WIPF2: variants seen among roughly 807,000 people sequenced by gnomAD.
WIPF2 encodes the protein WAS/WASL-interacting protein family member 2.
WIPF2 carries 23 observed loss-of-function variants against 38.8 expected under a neutral mutation model. That is an observed-to-expected ratio of 0.59 (90% CI 0.43 to 0.84). The LOEUF is 0.84. Ranked by LOEUF, WIPF2 falls within the 40% of genes least tolerant of loss-of-function variation. WIPF2 has a pLI of 0.00. For synonymous variants in WIPF2, 210 were observed against 223.2 expected, an observed-to-expected ratio of 0.94 and a Z score of 0.53; for missense variants, 574 against 580.5, an observed-to-expected ratio of 0.99 and a Z score of 0.11.
intron 1 of WIPF2, among the ~76,000 whole-genome samples, chr17:40,238,677 A>G (rs2145312406): frequency 6.6e-6 from 1 of 151,792 alleles, no homozygotes; most frequent in East Asian, 1.9e-4. Flanking sequence ...CAGTGGCACA[A>G]TCTCGGCTCA....
intron 1 of WIPF2, among the ~76,000 whole-genome samples, chr17:40,232,179 A>ATTTTTT (rs752876006): frequency 1.1e-3 from 84 of 76,056 alleles, no homozygotes; most frequent in Middle Eastern, 9.1e-3. Flanking sequence ...TGCCTGGCTA[A>ATTTTTT]TTTTTTTTTT....
chr17:40,255,887 A>G (rs1168417601), intron 1 of WIPF2, among the ~76,000 whole-genome samples: 1 of 151,830 alleles, frequency 6.6e-6, no homozygotes. Flanking sequence ...CGGCCTCCCA[A>G]AGTGCTGGGA....
intron 5 of WIPF2, among the ~76,000 whole-genome samples, chr17:40,269,600 C>CTTTTTTTTTT: frequency 9.1e-6 from 1 of 109,806 alleles, no homozygotes; most frequent in Non-Finnish European, 1.9e-5. Context: ...AAAACACTGT[C>CTTTTTTTTTT]TTTTTTTTTT....
chr17:40,259,502 G>T (rs2031834071), intron 2 of WIPF2, among the ~76,000 whole-genome samples: 1 of 151,588 alleles, frequency 6.6e-6, no homozygotes, highest in Non-Finnish European at 1.5e-5. Context: ...GGGCTTTGAG[G>T]CAATCAGAGC....
At position 40,264,779 on chromosome 17, in the gene WIPF2, C is replaced by T. The variant is rs765033712; in HGVS notation, c.603C>T (p.Pro201=). 27 of 1,608,088 alleles carry T rather than the reference C, an allele frequency of 1.7e-5. No individual in the cohort carries two copies. The highest frequency in any genetic ancestry group is 4.5e-5 in the East Asian group (2 of 44,828). ...TGCCTATGCACAGCAGCAAAGCCCC[C>T]GCCTACAACAGAGAGAAACCCTTGC... ...TPLPMHSSKA[P]AYNREKPLPP... is the part of the protein sequence containing the mutation. Residue 201 remains proline, a synonymous_variant, in exon 5 of 8, where the codon CCC becomes CCT. Coordinates refer to ENST00000323571, the MANE Select transcript of WIPF2 (RefSeq NM_133264.5).
intron 5 of WIPF2, among the ~76,000 whole-genome samples, chr17:40,272,818 T>C (rs529142554): frequency 6.6e-6 from 1 of 152,324 alleles, no homozygotes; most frequent in East Asian, 1.9e-4. Context: ...GGAACTGCTC[T>C]GACATCAAGG....
At position 40,282,359 on chromosome 17, in the gene WIPF2, T is replaced by C. The variant is rs1247059604; in HGVS notation, c.*4134T>C. On this transcript the variant is annotated 3_prime_UTR_variant, in exon 8 of 8. Coordinates refer to ENST00000323571, the MANE Select transcript of WIPF2 (RefSeq NM_133264.5). ...CTGGTGGCAAGATGGGGCCTAGCCT[T>C]CTTTTCACATGTCTAATCTTTTCCT... 1 of 152,218 alleles carries C rather than the reference T, an allele frequency of 6.6e-6. No homozygotes were observed. The highest frequency in any genetic ancestry group is 1.5e-5 in the Non-Finnish European group (1 of 68,042). The allele number at this position is 152,218 out of a possible 1,614,324, so 9.4% of individuals were successfully genotyped here.
At chr17:40,264,343 A>AG in intron 4 of WIPF2, 147 bp from the exon 5 acceptor site, 3 of 669,194 alleles carry the variant, frequency 4.5e-6, no homozygotes, top group Non-Finnish European at 4.9e-6. Context: ...AAAAAAAAAA[A>AG]AAAAAAAAAA....
intron 5 of WIPF2, among the ~76,000 whole-genome samples, chr17:40,271,142 T>G (rs1259430679): frequency 6.6e-6 from 1 of 152,152 alleles, no homozygotes; most frequent in Non-Finnish European, 1.5e-5. Context: ...GGCTAATTTT[T>G]GTACTTTTTT....
chr17:40,282,248 T>G lies in WIPF2; in HGVS notation c.*4023T>G, dbSNP rs2032565515. The G allele has an allele frequency of 6.6e-6, 1 of 152,118 alleles. No individual in the cohort carries two copies. Among genetic ancestry groups the G allele is most frequent in the South Asian group, 2.1e-4 (1 of 4,834 alleles). The allele number at this position is 152,118 out of a possible 1,614,324, so 9.4% of individuals were successfully genotyped here. On this transcript the variant is annotated 3_prime_UTR_variant, in exon 8 of 8. Transcript: ENST00000323571. ...CTTTCCCTCTTTGAAGCAATTAAAA[T>G]CTTCCTTGATAACTGCTGTTTCTTT...
intron 1 of WIPF2, among the ~76,000 whole-genome samples, chr17:40,242,868 G>A (rs1444084008): frequency 1.3e-5 from 2 of 152,188 alleles, no homozygotes; most frequent in Non-Finnish European, 2.9e-5. Context: ...TCCCAGTGCT[G>A]TACTTCAGTG....
intron 2 of WIPF2, among the ~76,000 whole-genome samples, chr17:40,258,373 C>T (rs2145367874): frequency 6.6e-6 from 1 of 152,198 alleles, no homozygotes; most frequent in East Asian, 1.9e-4. Context: ...GCGGGCAGAT[C>T]ACGAGGTCAG....
At chr17:40,270,308 G>A (rs758070568) in intron 5 of WIPF2, among the ~76,000 whole-genome samples, 73 of 149,976 alleles carry the variant, frequency 4.9e-4, no homozygotes, top group Non-Finnish European at 8.9e-4. Context: ...GGAGCTTGCA[G>A]TAAGCCGAGA....
rs1452574681 is a variant in WIPF2, at chr17:40,278,229, C to T, written c.*4C>T. ...TCTGCCACCCATTCTCAGGTGAAGC[C>T]TGGCTTGGTCCCGTTCCTCAGGAAA... On this transcript the variant is annotated 3_prime_UTR_variant, in exon 8 of 8. Coordinates refer to ENST00000323571, the MANE Select transcript of WIPF2 (RefSeq NM_133264.5). 6.2e-7 allele frequency: 1 copy of T among 1,613,774 alleles called. No homozygotes were observed. The highest frequency in any genetic ancestry group is 1.7e-5 in the Admixed American group (1 of 59,954).
chr17:40,241,968 G>A (rs577121769), intron 1 of WIPF2, among the ~76,000 whole-genome samples: 20 of 152,288 alleles, frequency 1.3e-4, no homozygotes, highest in Non-Finnish European at 2.6e-4. Flanking sequence ...GAGGCTAACT[G>A]TGGTACCCTA....
intron 1 of WIPF2, among the ~76,000 whole-genome samples, chr17:40,232,179 A>ATTTTTTTT (rs752876006): frequency 3.7e-4 from 28 of 76,052 alleles, no homozygotes; most frequent in East Asian, 1.9e-3. Flanking sequence ...TGCCTGGCTA[A>ATTTTTTTT]TTTTTTTTTT....
rs577312211 is a variant in WIPF2, at chr17:40,281,294, G to T, written c.*3069G>T. On this transcript the variant is annotated 3_prime_UTR_variant, in exon 8 of 8. Transcript: ENST00000323571. ...GATGTTTTTCCCTAATGGGAAAAAC[G>T]TTATAGTTGTTTCTTACTGCCCTGT... 6.6e-5 allele frequency: 10 copies of T among 151,958 alleles called. No homozygotes were observed. The highest frequency in any genetic ancestry group is 1.5e-4 in the Non-Finnish European group (10 of 67,938). 9.4% of individuals were successfully genotyped at this position (151,958 alleles called of 1,614,324 possible). A position where few individuals can be genotyped will look rare whatever the true frequency, so the allele number is the denominator to read the frequency against.
rs71355445 is a variant in WIPF2 at position 40,282,111 on chromosome 17, C to CAAAAAAAAAAAA, written c.*3898_*3909dup. 1 of 51,136 alleles carries CAAAAAAAAAAAA rather than the reference C, an allele frequency of 2.0e-5. No individual in the cohort carries two copies. Among genetic ancestry groups the CAAAAAAAAAAAA allele is most frequent in the African/African-American group, 7.3e-5 (1 of 13,774 alleles). 3.2% of individuals were successfully genotyped at this position (51,136 alleles called of 1,614,324 possible). A position where few individuals can be genotyped will look rare whatever the true frequency, so the allele number is the denominator to read the frequency against. On this transcript the variant is annotated 3_prime_UTR_variant, in exon 8 of 8. Transcript: ENST00000323571. Reference sequence around the variant, plus strand: ...CTACAACCACCATCAAAACCACACGCAAAAAAAAAAAAAAAAAAAAAAAGG... The same window carrying CAAAAAAAAAAAA: ...CTACAACCACCATCAAAACCACACGCAAAAAAAAAAAAAAAAAAAAAAAAAAAAAAAAAAAGG...
Position 40,269,281 on chromosome 17 carries a change from C to T in WIPF2, c.970+4135C>T, listed in dbSNP as rs186867173. Among the ~76,000 whole-genome samples, 201 of 152,112 alleles carry T rather than the reference C, an allele frequency of 1.3e-3. 1 individual carries two copies. Among genetic ancestry groups the T allele is most frequent in the South Asian group, 0.011 (52 of 4,812 alleles). Reference sequence around the variant, plus strand: ...GTTGCAGTGAGCTAAGATTGCACCACTGCACTCCAGCATGGGTGACTGAGC... The same window carrying T: ...GTTGCAGTGAGCTAAGATTGCACCATTGCACTCCAGCATGGGTGACTGAGC... On this transcript the variant is annotated intron_variant, in intron 5 of 7. Coordinates refer to ENST00000323571, the MANE Select transcript of WIPF2 (RefSeq NM_133264.5).
Sources: gnomAD v4.1 joint callset for allele counts (sites outside exome capture counted in the v4.1 genomes callset) on GRCh38, gnomAD v4.1.1 for gene constraint, MANE v1.5 for transcripts, NCBI Gene and HGNC (gene_info 2026-07-23, HGNC 2026-07-21) for gene names.